Variants in ADAMTS19 observed in about 807,000 individuals in gnomAD.
The protein encoded by ADAMTS19 is ADAM metallopeptidase with thrombospondin type 1 motif 19, also known as A disintegrin and metalloproteinase with thrombospondin motifs 19.
A neutral mutation model predicts 153.3 loss-of-function variants in ADAMTS19; 93 were observed. That is an observed-to-expected ratio of 0.61 (90% CI 0.51 to 0.72). The LOEUF (loss-of-function observed/expected upper bound fraction) is 0.72, where lower values mean the gene tolerates loss of function less well. ADAMTS19 is among the 30% of genes least tolerant of loss of function. ADAMTS19 has a pLI of 0.00. For synonymous variants in ADAMTS19, 600 were observed against 556.6 expected, an observed-to-expected ratio of 1.08 and a Z score of -1.10; for missense variants, 1,482 against 1,552.1, an observed-to-expected ratio of 0.95 and a Z score of 0.76.
intron 6 of ADAMTS19, among the ~76,000 whole-genome samples, chr5:129,545,582 AACAGAC>A (rs1752825980): frequency 1.3e-5 from 2 of 152,186 alleles, no homozygotes; most frequent in Admixed American, 1.3e-4. Context: ...TAAAAACATG[AACAGAC>A]ACTTCTCAAA....
intron 13 of ADAMTS19, 33 bp downstream of exon 13, chr5:129,649,003 A>T (rs761481387): frequency 1.3e-6 from 2 of 1,522,404 alleles, no homozygotes; most frequent in Non-Finnish European, 1.8e-6. Flanking sequence ...CATCTTTGTT[A>T]ACTAGATTTC....
chr5:129,694,866 T>C lies in ADAMTS19; in HGVS notation c.2954+11T>C. 1 of 1,570,892 alleles carries C rather than the reference T, an allele frequency of 6.4e-7. No homozygotes were observed. The highest frequency in any genetic ancestry group is 8.6e-7 in the Non-Finnish European group (1 of 1,157,512). On this transcript the variant is annotated intron_variant, in intron 19 of 22. Transcript: ENST00000274487. ...ACCATGTCAAACAAGGTAACTCTAT[T>C]CCAAGGGCCCTTAAAGCATTATTTG... is the stretch of plus-strand genomic sequence containing the variant.
At chr5:129,534,871 C>T (rs2126783638) in intron 6 of ADAMTS19, among the ~76,000 whole-genome samples, 1 of 152,268 alleles carries the variant, frequency 6.6e-6, no homozygotes, top group African/African-American at 2.4e-5. Context: ...CAAAATTCAA[C>T]AACCTTCATG....
intron 2 of ADAMTS19, 56 bp from the exon 3 acceptor site, chr5:129,509,021 A>G: frequency 7.1e-7 from 1 of 1,403,306 alleles, no homozygotes; most frequent in South Asian, 1.4e-5. Context: ...GGAAGAATCT[A>G]AAAGTATTTT....
intron 6 of ADAMTS19, among the ~76,000 whole-genome samples, chr5:129,535,689 G>T (rs1752393388): frequency 6.6e-6 from 1 of 152,132 alleles, no homozygotes; most frequent in South Asian, 2.1e-4. Context: ...AACCAAAACA[G>T]TATGGTACTG....
In ADAMTS19 at chr5:129,602,824, C is replaced by CTG. The variant is rs763032232; in HGVS notation, c.1478+6161_1478+6162insGT. 2.5e-3 allele frequency among the ~76,000 whole-genome samples: 283 copies of CTG among 111,958 alleles called. 3 individuals are homozygous for CTG. Among genetic ancestry groups the CTG allele is most frequent in the African/African-American group, 0.012 (255 of 20,532 alleles). 73.4% of individuals were successfully genotyped at this position (111,958 alleles called of 152,430 possible). On this transcript the variant is annotated intron_variant, in intron 8 of 22. Coordinates refer to ENST00000274487, the MANE Select transcript of ADAMTS19 (RefSeq NM_133638.6). ...CATTTTTGTATTGTTGTCTTATATTCTCTGTGTGTGTGTGTGTGTGTGTGT... is the reference window on the plus strand; with the variant it reads ...CATTTTTGTATTGTTGTCTTATATTCTGTCTGTGTGTGTGTGTGTGTGTGTGT...
chr5:129,707,773 T>C (rs566655396), intron 21 of ADAMTS19, among the ~76,000 whole-genome samples: 2 of 152,324 alleles, frequency 1.3e-5, no homozygotes, highest in East Asian at 3.9e-4. Flanking sequence ...GTCTGCCCTA[T>C]TTTTAAAGTG....
chr5:129,597,502 T>C (rs1181581111), intron 8 of ADAMTS19, among the ~76,000 whole-genome samples: 1 of 152,186 alleles, frequency 6.6e-6, no homozygotes, highest in Non-Finnish European at 1.5e-5. Flanking sequence ...TTATCTGTTA[T>C]CTTCTGGCCT....
chr5:129,476,459 C>G (rs1750231184), intron 2 of ADAMTS19, among the ~76,000 whole-genome samples: 1 of 151,996 alleles, frequency 6.6e-6, no homozygotes, highest in Non-Finnish European at 1.5e-5. Context: ...GGGTTCAAAT[C>G]AAGCAAACAA....
At chr5:129,648,709 A>G in intron 12 of ADAMTS19, 89 bp from the exon 13 acceptor site, 1 of 1,016,742 alleles carries the variant, frequency 9.8e-7, no homozygotes, top group South Asian at 1.6e-5. Flanking sequence ...ATAAGGGGTT[A>G]TATATTATTA....
chr5:129,568,068 G>A (rs541628710), intron 7 of ADAMTS19, among the ~76,000 whole-genome samples: 1 of 152,018 alleles, frequency 6.6e-6, no homozygotes, highest in Admixed American at 6.6e-5. Flanking sequence ...GGTAAAATAA[G>A]GACATTATAA....
At position 129,576,113 on chromosome 5, in the gene ADAMTS19, C is replaced by T. The variant is rs373720094; in HGVS notation, c.1373-20446C>T. ...AAAAAAGCTTAAAGGAAATATAAAA[C>T]AATAACAGCAGAAACAAACCCTATT... On this transcript the variant is annotated intron_variant, in intron 7 of 22. Coordinates refer to ENST00000274487, the MANE Select transcript of ADAMTS19 (RefSeq NM_133638.6). Among the ~76,000 whole-genome samples the T allele has an allele frequency of 6.6e-5, 10 of 151,768 alleles. No individual in the cohort carries two copies. In the East Asian group the frequency reaches 7.8e-4, roughly 12 times the overall value.
At chr5:129,709,232 TC>T (rs1290838173) in intron 21 of ADAMTS19, among the ~76,000 whole-genome samples, 2 of 152,140 alleles carry the variant, frequency 1.3e-5, no homozygotes, top group Admixed American at 1.3e-4. Context: ...GAGCTCATGC[TC>T]ATAGTGAAAA....
chr5:129,484,607 G>C (rs935905174), intron 2 of ADAMTS19, among the ~76,000 whole-genome samples: 19 of 152,060 alleles, frequency 1.2e-4, no homozygotes, highest in African/African-American at 4.1e-4. Context: ...GGTTTAAACT[G>C]CAGTGTTTAT....
chr5:129,734,879 C>A, intron 21 of ADAMTS19, 53 bp from the exon 22 acceptor site: 12 of 1,407,798 alleles, frequency 8.5e-6, no homozygotes, highest in Non-Finnish European at 1.1e-5. Flanking sequence ...AAAATAATAA[C>A]AGCAAAAAAT....
intron 8 of ADAMTS19, among the ~76,000 whole-genome samples, chr5:129,610,154 G>C (rs965290335): frequency 6.6e-6 from 1 of 151,774 alleles, no homozygotes; most frequent in Non-Finnish European, 1.5e-5. Context: ...GTTCTGATAT[G>C]TCTTACACAC....
At chr5:129,522,454 G>T (rs1490155728) in intron 3 of ADAMTS19, among the ~76,000 whole-genome samples, 1 of 148,006 alleles carries the variant, frequency 6.8e-6, no homozygotes, top group Admixed American at 6.8e-5. Flanking sequence ...GATTCAGATG[G>T]CTAGTATTGT....
intron 8 of ADAMTS19, among the ~76,000 whole-genome samples, chr5:129,618,011 C>T (rs1751607657): frequency 6.6e-6 from 1 of 151,996 alleles, no homozygotes; most frequent in South Asian, 2.1e-4. Context: ...TCATGTGATG[C>T]AGTCATCACA....
At chr5:129,717,196 C>T (rs996678663) in intron 21 of ADAMTS19, among the ~76,000 whole-genome samples, 1 of 152,248 alleles carries the variant, frequency 6.6e-6, no homozygotes, top group East Asian at 1.9e-4. Context: ...AATCTTAACT[C>T]CTTTACCCTT....
Sources: allele counts gnomAD v4.1 joint callset (sites outside exome capture counted in the v4.1 genomes callset), GRCh38; gene constraint gnomAD v4.1.1; transcripts MANE v1.5; gene names NCBI Gene and HGNC (gene_info 2026-07-23, HGNC 2026-07-21).